SH3RF1: variants seen among roughly 807,000 people sequenced by gnomAD.
SH3RF1 encodes the protein E3 ubiquitin-protein ligase SH3RF1.
SH3RF1 carries 32 observed loss-of-function variants against 74.0 expected under a neutral mutation model. That is an observed-to-expected ratio of 0.43 (90% CI 0.33 to 0.58). SH3RF1 has a LOEUF of 0.58. SH3RF1 is among the 20% of genes least tolerant of loss of function. SH3RF1 has a pLI of 0.05. For missense variants in SH3RF1, 954 were observed against 1,130.9 expected, an observed-to-expected ratio of 0.84 and a Z score of 2.24; for synonymous variants, 396 against 439.6, an observed-to-expected ratio of 0.90 and a Z score of 1.24.
chr4:169,145,868 T>G (rs1014304166), intron 4 of SH3RF1, among the ~76,000 whole-genome samples: 2 of 120,670 alleles, frequency 1.7e-5, no homozygotes, highest in African/African-American at 3.3e-5. Flanking sequence ...ATAAAATATG[T>G]ATTCTATATA....
chr4:169,128,366 TCTC>T (rs1733559955), intron 6 of SH3RF1, among the ~76,000 whole-genome samples: 1 of 152,144 alleles, frequency 6.6e-6, no homozygotes, highest in Admixed American at 6.6e-5. Flanking sequence ...CCAGGCATCT[TCTC>T]CTTCGCCAAG....
chr4:169,169,371 C>A (rs571821337), intron 2 of SH3RF1, among the ~76,000 whole-genome samples: 2 of 151,790 alleles, frequency 1.3e-5, no homozygotes, highest in African/African-American at 4.8e-5. Flanking sequence ...CTGAGGCAGG[C>A]GGATCATATG....
chr4:169,151,020 A>G (rs1246486441), intron 4 of SH3RF1, among the ~76,000 whole-genome samples: 1 of 152,222 alleles, frequency 6.6e-6, no homozygotes, highest in Non-Finnish European at 1.5e-5. Flanking sequence ...AGATATACAC[A>G]TAGGCAGTGA....
intron 11 of SH3RF1, among the ~76,000 whole-genome samples, chr4:169,103,779 G>A (rs1031358001): frequency 7.9e-5 from 12 of 152,170 alleles, no homozygotes; most frequent in African/African-American, 2.7e-4. Flanking sequence ...AAGTTGGTCA[G>A]ATTGGCTATT....
At chr4:169,231,097 C>T (rs1190944612) in intron 2 of SH3RF1, among the ~76,000 whole-genome samples, 1 of 152,028 alleles carries the variant, frequency 6.6e-6, no homozygotes, top group Admixed American at 6.6e-5. Context: ...AGAAGGTGGT[C>T]GTAATACTTA....
At position 169,094,407 on chromosome 4, in the gene SH3RF1, A is replaced by G. The variant is rs1182847676; in HGVS notation, c.*2112T>C. ...CAAAATCTCCCTCTACTGTCTGCAAAAAACCAATAGAAAACCCATACATTA... is the reference window on the plus strand; with the variant it reads ...CAAAATCTCCCTCTACTGTCTGCAAGAAACCAATAGAAAACCCATACATTA... On this transcript the variant is annotated 3_prime_UTR_variant, in exon 12 of 12. Transcript: ENST00000284637. 6.6e-6 allele frequency: 1 copy of G among 152,150 alleles called. No individual in the cohort carries two copies. Among genetic ancestry groups the G allele is most frequent in the Non-Finnish European group, 1.5e-5 (1 of 68,028 alleles). The allele number at this position is 152,150 out of a possible 1,614,324, so 9.4% of individuals were successfully genotyped here. A position where few individuals can be genotyped will look rare whatever the true frequency, so the allele number is the denominator to read the frequency against.
chr4:169,255,324 G>A (rs573880970), intron 2 of SH3RF1, among the ~76,000 whole-genome samples: 1 of 152,222 alleles, frequency 6.6e-6, no homozygotes, highest in Admixed American at 6.5e-5. Context: ...CTTCACTGTT[G>A]CAGCATTTGC....
Position 169,117,726 on chromosome 4 carries a change from C to A in SH3RF1, c.1574G>T (p.Ser525Ile). 1 of 1,614,206 alleles carries A rather than the reference C, an allele frequency of 6.2e-7. No individual in the cohort carries two copies. Among genetic ancestry groups the A allele is most frequent in the Non-Finnish European group, 8.5e-7 (1 of 1,180,030 alleles). Residue 525 changes from serine to isoleucine, a missense_variant, in exon 9 of 12, where the codon AGT becomes ATT. This residue lies in a region of SH3RF1 where 854 missense variants were observed against 962.5 expected (regional missense o/e 0.89). Transcript: ENST00000284637. ...KVPMSTAGQT[S>I]RGVTMVSPST... Reference sequence around the variant, plus strand: ...AGGACTGACCATGGTCACTCCCCGACTTGTCTGGCCAGCTGTAGACATAGG... The same window carrying A: ...AGGACTGACCATGGTCACTCCCCGAATTGTCTGGCCAGCTGTAGACATAGG...
At chr4:169,138,044 A>G (rs1400013991) in intron 4 of SH3RF1, among the ~76,000 whole-genome samples, 1 of 152,224 alleles carries the variant, frequency 6.6e-6, no homozygotes, top group Non-Finnish European at 1.5e-5. Context: ...ATGGCGGGAG[A>G]AAGATCATAA....
chr4:169,115,663 G>C (rs779268111), intron 10 of SH3RF1, among the ~76,000 whole-genome samples: 2 of 152,114 alleles, frequency 1.3e-5, no homozygotes, highest in African/African-American at 4.8e-5. Flanking sequence ...CACAGTTAAT[G>C]TAATGAGCTT....
chr4:169,134,247 T>C (rs1241620136), intron 5 of SH3RF1, among the ~76,000 whole-genome samples: 1 of 152,194 alleles, frequency 6.6e-6, no homozygotes, highest in East Asian at 1.9e-4. Context: ...AAACTTTTAA[T>C]GGAACACAGA....
rs1734467897 is a variant in SH3RF1 at position 169,179,071 on chromosome 4, G to A, written c.394-22392C>T. Among the ~76,000 whole-genome samples, 3 of 152,270 alleles carry A rather than the reference G, an allele frequency of 2.0e-5. No individual in the cohort carries two copies. In the South Asian group the frequency reaches 6.2e-4, roughly 32 times the overall value. ...CCCCATGAATCTGTTGCCTTACATG[G>A]CAAAAGGGATTTTACAGATGGAAAG... is the stretch of plus-strand genomic sequence containing the variant. On this transcript the variant is annotated intron_variant, in intron 2 of 11. Transcript: ENST00000284637.
chr4:169,143,120 C>T (rs1290179988), intron 4 of SH3RF1, among the ~76,000 whole-genome samples: 1 of 152,170 alleles, frequency 6.6e-6, no homozygotes, highest in Non-Finnish European at 1.5e-5. Flanking sequence ...TCTCTTAGAA[C>T]TATCAAGGGA....
chr4:169,134,420 A>G (rs1561032868), intron 5 of SH3RF1, among the ~76,000 whole-genome samples: 1 of 152,076 alleles, frequency 6.6e-6, no homozygotes, highest in Non-Finnish European at 1.5e-5. Flanking sequence ...TTCTCTTTTC[A>G]TTTTCTCTAA....
intron 8 of SH3RF1, 35 bp downstream of exon 8, chr4:169,120,784 T>A: frequency 2.5e-6 from 4 of 1,610,868 alleles, no homozygotes; most frequent in Non-Finnish European, 1.7e-6. Context: ...GCTTCTCTGT[T>A]TAGAACATAG....
At chr4:169,110,522 T>C (rs1733225117) in intron 10 of SH3RF1, among the ~76,000 whole-genome samples, 1 of 152,046 alleles carries the variant, frequency 6.6e-6, no homozygotes, top group East Asian at 1.9e-4. Flanking sequence ...CCCAGGTGCT[T>C]GGGAGGCTGA....
At chr4:169,132,672 T>C (rs1365197943) in intron 5 of SH3RF1, among the ~76,000 whole-genome samples, 1 of 137,844 alleles carries the variant, frequency 7.3e-6, no homozygotes, top group Non-Finnish European at 1.5e-5. Context: ...AAAGGCTAAG[T>C]AAGGTGGGGA....
intron 2 of SH3RF1, among the ~76,000 whole-genome samples, chr4:169,222,933 A>ACAGC (rs1158945450): frequency 1.3e-4 from 20 of 152,286 alleles, no homozygotes; most frequent in African/African-American, 4.3e-4. Context: ...GCCTGTGTGG[A>ACAGC]CAGCACCCCT....
At chr4:169,241,006 G>A (rs767680650) in intron 2 of SH3RF1, among the ~76,000 whole-genome samples, 1 of 152,256 alleles carries the variant, frequency 6.6e-6, no homozygotes, top group African/African-American at 2.4e-5. Flanking sequence ...TGAGGTGGGC[G>A]GATCACGAGG....
Sources: gnomAD v4.1 joint callset for allele counts (sites outside exome capture counted in the v4.1 genomes callset) on GRCh38, gnomAD v4.1.1 for gene constraint, gnomAD v4.1.1 regional missense constraint, MANE v1.5 for transcripts, NCBI Gene and HGNC (gene_info 2026-07-23, HGNC 2026-07-21) for gene names.